Variants in CDH18 observed in about 807,000 individuals in gnomAD.
CDH18 encodes the protein cadherin 18.
In CDH18, 31 loss-of-function variants were observed where a neutral mutation model predicts 67.9. That is an observed-to-expected ratio of 0.46 (90% confidence interval 0.34 to 0.62). The LOEUF (loss-of-function observed/expected upper bound fraction) is 0.62, where lower values mean the gene tolerates loss of function less well. CDH18 is among the 20% of genes least tolerant of loss of function. The probability of loss-of-function intolerance (pLI) is 0.01; values close to 1 mark genes in which losing one functional copy is unlikely to be tolerated. For missense variants in CDH18, 890 were observed against 975.5 expected, an observed-to-expected ratio of 0.91 and a Z score of 1.17; for synonymous variants, 362 against 347.2, an observed-to-expected ratio of 1.04 and a Z score of -0.48.
At chr5:19,842,908 A>T (rs1207078765) in intron 2 of CDH18, among the ~76,000 whole-genome samples, 1 of 152,186 alleles carries the variant, frequency 6.6e-6, no homozygotes, top group African/African-American at 2.4e-5. Flanking sequence ...TGTTTCAGCA[A>T]AGAGACTGGT....
chr5:20,095,689 A>C (rs1458539120), intron 2 of CDH18, among the ~76,000 whole-genome samples: 1 of 151,922 alleles, frequency 6.6e-6, no homozygotes, highest in African/African-American at 2.4e-5. Flanking sequence ...ATATCCCAAA[A>C]TGAAGTCAAG....
At chr5:19,660,604 G>A (rs1461383053) in intron 5 of CDH18, among the ~76,000 whole-genome samples, 1 of 152,062 alleles carries the variant, frequency 6.6e-6, no homozygotes, top group Non-Finnish European at 1.5e-5. Context: ...TGTACTATAA[G>A]CTCATTTGTC....
chr5:19,653,453 G>C (rs1755866140), intron 5 of CDH18, among the ~76,000 whole-genome samples: 1 of 151,984 alleles, frequency 6.6e-6, no homozygotes, highest in South Asian at 2.1e-4. Context: ...TATCCTTGCT[G>C]AATCTTTCTC....
At chr5:20,309,474 GA>G (rs199740945) in intron 1 of CDH18, among the ~76,000 whole-genome samples, 3 of 151,516 alleles carry the variant, frequency 2.0e-5, no homozygotes, top group African/African-American at 4.8e-5. Context: ...ATAATTTTAA[GA>G]AAAAAAACAC....
At chr5:19,935,265 T>A (rs1579674931) in intron 2 of CDH18, among the ~76,000 whole-genome samples, 1 of 151,432 alleles carries the variant, frequency 6.6e-6, no homozygotes. Flanking sequence ...AGGTTTTGAT[T>A]TGACTACTTT....
chr5:20,313,902 C>A (rs983293928), intron 1 of CDH18, among the ~76,000 whole-genome samples: 2 of 151,942 alleles, frequency 1.3e-5, no homozygotes, highest in Non-Finnish European at 2.9e-5. Context: ...TCAAAGAAGG[C>A]GACCAACATG....
intron 1 of CDH18, among the ~76,000 whole-genome samples, chr5:20,412,964 C>A (rs1315700105): frequency 6.6e-6 from 1 of 152,172 alleles, no homozygotes; most frequent in Non-Finnish European, 1.5e-5. Context: ...CCTCCCCAAT[C>A]CCCGCACCCC....
intron 1 of CDH18, among the ~76,000 whole-genome samples, chr5:20,511,352 G>A (rs555548329): frequency 1.6e-3 from 242 of 152,116 alleles, no homozygotes; most frequent in African/African-American, 5.7e-3. Context: ...AAAAAGAAAT[G>A]TAAACTGCAT....
At chr5:20,335,928 C>T (rs1233884591) in intron 1 of CDH18, among the ~76,000 whole-genome samples, 1 of 152,102 alleles carries the variant, frequency 6.6e-6, no homozygotes, top group Non-Finnish European at 1.5e-5. Flanking sequence ...TTTAACAAAA[C>T]TTGGTCTTAC....
chr5:19,846,103 T>G (rs995242827), intron 2 of CDH18, among the ~76,000 whole-genome samples: 1 of 152,066 alleles, frequency 6.6e-6, no homozygotes, highest in Admixed American at 6.6e-5. Context: ...CTTGCTACCT[T>G]GCTTTGTGTT....
intron 2 of CDH18, among the ~76,000 whole-genome samples, chr5:19,912,394 A>T (rs1791251958): frequency 6.6e-6 from 1 of 152,112 alleles, no homozygotes; most frequent in African/African-American, 2.4e-5. Context: ...CACAGAGGAC[A>T]TGTTTCTCTG....
At chr5:20,016,781 C>A (rs1580045365) in intron 2 of CDH18, among the ~76,000 whole-genome samples, 1 of 152,180 alleles carries the variant, frequency 6.6e-6, no homozygotes, top group Non-Finnish European at 1.5e-5. Context: ...GAGTTGCCGG[C>A]TTCTACTTTA....
rs374493518 is a variant in CDH18 at position 19,815,485 on chromosome 5, TC to T, written c.228+23273del. Among the ~76,000 whole-genome samples, 58 of 152,088 alleles carry T rather than the reference TC, an allele frequency of 3.8e-4. 2 individuals are homozygous for T. The highest frequency in any genetic ancestry group is 3.4e-3 in the Middle Eastern group (1 of 294). ...TCTAAAAAGCTTGAAACTTTCTATT[TC>T]CTTTTACATGATTTATTCTCTCTTT... is the stretch of plus-strand genomic sequence containing the variant. On this transcript the variant is annotated intron_variant, in intron 3 of 12. Coordinates refer to ENST00000382275, the MANE Select transcript of CDH18 (RefSeq NM_004934.5).
In CDH18 at chr5:20,572,231, A is replaced by G. The variant is rs546325703; in HGVS notation, c.-580+3231T>C. Among the ~76,000 whole-genome samples, 297 of 151,542 alleles carry G rather than the reference A, an allele frequency of 2.0e-3. 2 individuals are homozygous for G. The highest frequency in any genetic ancestry group is 6.8e-3 in the Middle Eastern group (2 of 294). ...ATGTCTATTTTTGTAAAAGAAAAAAAAAAGGTAATATTCTCTTTTTAGCTG... is the reference window on the plus strand; with the variant it reads ...ATGTCTATTTTTGTAAAAGAAAAAAGAAAGGTAATATTCTCTTTTTAGCTG... On this transcript the variant is annotated intron_variant, in intron 1 of 14. Coordinates refer to the CDH18 transcript ENST00000507958.
intron 2 of CDH18, among the ~76,000 whole-genome samples, chr5:20,017,627 GA>G: frequency 6.6e-6 from 1 of 152,280 alleles, no homozygotes; most frequent in East Asian, 1.9e-4. Context: ...CAAGTGTAGA[GA>G]AATAACTATG....
intron 1 of CDH18, among the ~76,000 whole-genome samples, chr5:20,269,476 T>C (rs2126659015): frequency 6.6e-6 from 1 of 152,122 alleles, no homozygotes; most frequent in South Asian, 2.1e-4. Context: ...AATAAAAATA[T>C]CCATCAGTGT....
At chr5:19,690,589 T>G (rs978682335) in intron 5 of CDH18, among the ~76,000 whole-genome samples, 2 of 151,256 alleles carry the variant, frequency 1.3e-5, no homozygotes, top group South Asian at 2.1e-4. Context: ...TTCAGAAACA[T>G]AAAAGGATAC....
intron 1 of CDH18, among the ~76,000 whole-genome samples, chr5:20,347,524 G>GGACA (rs1740800046): frequency 6.6e-6 from 1 of 152,176 alleles, no homozygotes; most frequent in Admixed American, 6.5e-5. Context: ...GAACAACCAT[G>GGACA]GACAGCACCT....
At position 20,124,960 on chromosome 5, in the gene CDH18, G is replaced by A. The variant is rs974290147; in HGVS notation, c.-518+130484C>T. On this transcript the variant is annotated intron_variant, in intron 2 of 14. Coordinates refer to the CDH18 transcript ENST00000507958. ...CCTGGATAAATGTCCAATGCTCAGT[G>A]TTCATATGTATGAGGATTGCAGGAG... is the stretch of plus-strand genomic sequence containing the variant. Among the ~76,000 whole-genome samples the A allele has an allele frequency of 1.8e-4, 28 of 152,134 alleles. 1 individual carries two copies. Among genetic ancestry groups the A allele is most frequent in the Admixed American group, 1.8e-3 (27 of 15,282 alleles).
Sources: allele counts gnomAD v4.1 joint callset (sites outside exome capture counted in the v4.1 genomes callset), GRCh38; gene constraint gnomAD v4.1.1; transcripts MANE v1.5; gene names NCBI Gene and HGNC (gene_info 2026-07-23, HGNC 2026-07-21).